RGS20: variants seen among roughly 807,000 people sequenced by gnomAD.
RGS20 encodes the protein regulator of G protein signaling 20.
Under a neutral mutation model 33.6 loss-of-function variants are expected in RGS20, and 30 were observed. That is an observed-to-expected ratio of 0.89 (90% CI 0.67 to 1.21). The LOEUF (loss-of-function observed/expected upper bound fraction) is 1.21, where lower values mean the gene tolerates loss of function less well. Ranked by LOEUF, RGS20 falls within the 50% of genes most tolerant of loss-of-function variation. The probability of loss-of-function intolerance (pLI) is 0.00; values close to 1 mark genes in which losing one functional copy is unlikely to be tolerated. For missense variants in RGS20, 472 were observed against 502.4 expected (o/e 0.94, Z 0.58); for synonymous variants, 208 against 197.9 (o/e 1.05, Z -0.43).
intron 1 of RGS20, among the ~76,000 whole-genome samples, chr8:53,869,533 G>C (rs576229087): frequency 2.6e-5 from 4 of 151,864 alleles, no homozygotes; most frequent in Admixed American, 6.6e-5. Flanking sequence ...AAAATTAGCC[G>C]GGCATGCTGG....
chr8:53,863,533 A>T (rs60515635), intron 1 of RGS20, among the ~76,000 whole-genome samples: 4,295 of 152,240 alleles, frequency 0.028, 162 homozygotes, highest in African/African-American at 0.088. Flanking sequence ...GTTGTAACTA[A>T]CTGAAGTCTG....
Position 53,958,529 on chromosome 8 carries a change from T to A in RGS20, c.*71T>A. 1.2e-6 allele frequency: 1 copy of A among 840,746 alleles called. No homozygotes were observed. The highest frequency in any genetic ancestry group is 1.6e-6 in the Non-Finnish European group (1 of 610,158). The allele number at this position is 840,746 out of a possible 1,614,324, so 52.1% of individuals were successfully genotyped here. A position where few individuals can be genotyped will look rare whatever the true frequency, so the allele number is the denominator to read the frequency against. ...ATGGGCTACAACTAGCACAGGGAAT[T>A]TAGAGGTTGTAGCATCTTCTGCTGG... On this transcript the variant is annotated 3_prime_UTR_variant, in exon 6 of 6. Transcript: ENST00000297313.
chr8:53,893,629 A>G (rs529170500), intron 2 of RGS20, among the ~76,000 whole-genome samples: 1 of 152,338 alleles, frequency 6.6e-6, no homozygotes, highest in Admixed American at 6.5e-5. Flanking sequence ...AAAGCATAAG[A>G]GTGAGGGGAT....
chr8:53,939,543 C>T, intron 2 of RGS20, 33 bp from the exon 2 acceptor site: 2 of 1,462,180 alleles, frequency 1.4e-6, no homozygotes, highest in Admixed American at 2.7e-5. Context: ...CTGGAACCCC[C>T]TCCCGCCCGC....
At chr8:53,932,342 A>C (rs1242873819) in intron 2 of RGS20, among the ~76,000 whole-genome samples, 1 of 152,118 alleles carries the variant, frequency 6.6e-6, no homozygotes. Context: ...AGTGGATCCC[A>C]CCCCCACGGA....
At chr8:53,956,621 G>A (rs1814871134) in intron 5 of RGS20, among the ~76,000 whole-genome samples, 1 of 152,116 alleles carries the variant, frequency 6.6e-6, no homozygotes, top group Non-Finnish European at 1.5e-5. Context: ...AGGTGGTGGG[G>A]TCGTTGGCTT....
chr8:53,911,583 T>G (rs1813347446), intron 2 of RGS20, among the ~76,000 whole-genome samples: 1 of 152,142 alleles, frequency 6.6e-6, no homozygotes, highest in Admixed American at 6.6e-5. Flanking sequence ...TAGTAGAAGA[T>G]CCTAAACTAC....
At chr8:53,856,776 C>T (rs938815692) in intron 1 of RGS20, among the ~76,000 whole-genome samples, 8 of 152,200 alleles carry the variant, frequency 5.3e-5, no homozygotes, top group African/African-American at 1.9e-4. Flanking sequence ...TTTTTCAGCC[C>T]ATTCCAAAGT....
intron 1 of RGS20, among the ~76,000 whole-genome samples, chr8:53,861,710 C>T (rs1275607793): frequency 6.6e-6 from 1 of 152,186 alleles, no homozygotes; most frequent in Non-Finnish European, 1.5e-5. Flanking sequence ...GGAGGACATG[C>T]AATTAATTTT....
At chr8:53,896,899 T>C (rs1428067009) in intron 2 of RGS20, among the ~76,000 whole-genome samples, 2 of 152,188 alleles carry the variant, frequency 1.3e-5, no homozygotes, top group African/African-American at 4.8e-5. Flanking sequence ...AAGCTTTAAA[T>C]AGAATAGGAG....
At chr8:53,939,261 A>G (rs1471267732) in intron 2 of RGS20, among the ~76,000 whole-genome samples, 4 of 150,586 alleles carry the variant, frequency 2.7e-5, no homozygotes, top group African/African-American at 9.7e-5. Flanking sequence ...GGCCCTGCGT[A>G]GCACTGACTG....
chr8:53,931,490 G>A (rs1813957512), intron 2 of RGS20, among the ~76,000 whole-genome samples: 1 of 152,152 alleles, frequency 6.6e-6, no homozygotes, highest in Middle Eastern at 3.2e-3. Flanking sequence ...GAGAGGCAGA[G>A]GTTGCAGTGA....
chr8:53,897,316 G>A lies in RGS20; in HGVS notation c.510+17714G>A, dbSNP rs538136483. ...CCCTGGCAGACTGGACCAGACTAGA[G>A]GTGGATTCCTGCAGCACTGGGTAAG... On this transcript the variant is annotated intron_variant, in intron 2 of 5. Coordinates refer to ENST00000297313, the MANE Select transcript of RGS20 (RefSeq NM_170587.4). Among the ~76,000 whole-genome samples, 4 of 152,340 alleles carry A rather than the reference G, an allele frequency of 2.6e-5. 1 individual carries two copies. The East Asian group carries it at 7.7e-4, about 29-fold the overall frequency.
At chr8:53,858,033 AAAAAT>A (rs1419860854) in intron 1 of RGS20, among the ~76,000 whole-genome samples, 6 of 152,226 alleles carry the variant, frequency 3.9e-5, no homozygotes, top group Non-Finnish European at 7.3e-5. Flanking sequence ...ATAAAAATAA[AAAAAT>A]AAAATAAAAT....
At chr8:53,918,225 T>A (rs1026187152) in intron 2 of RGS20, among the ~76,000 whole-genome samples, 1 of 152,106 alleles carries the variant, frequency 6.6e-6, no homozygotes, top group African/African-American at 2.4e-5. Flanking sequence ...CCACACCCAC[T>A]AGCAGTCACT....
In RGS20 at chr8:53,851,804, C is replaced by A; in HGVS notation, c.-96C>A. ...GTCTCCCCACAGATTCAGAGCCAGC[C>A]CAGCATTAACCAAACAAAGAGAAGC... On this transcript the variant is annotated 5_prime_UTR_variant, in exon 1 of 6. Coordinates refer to ENST00000297313, the MANE Select transcript of RGS20 (RefSeq NM_170587.4). 1 of 1,330,876 alleles carries A rather than the reference C, an allele frequency of 7.5e-7. No homozygotes were observed. The highest frequency in any genetic ancestry group is 1.0e-6 in the Non-Finnish European group (1 of 966,152). 82.4% of individuals were successfully genotyped at this position (1,330,876 alleles called of 1,614,324 possible). A position where few individuals can be genotyped will look rare whatever the true frequency, so the allele number is the denominator to read the frequency against.
At chr8:53,925,436 A>G (rs57122000) in intron 2 of RGS20, among the ~76,000 whole-genome samples, 7,404 of 152,260 alleles carry the variant, frequency 0.049, 479 homozygotes, top group African/African-American at 0.15. Context: ...GGCCTGTGGC[A>G]GGGTTCCCAG....
intron 2 of RGS20, among the ~76,000 whole-genome samples, chr8:53,903,323 G>A (rs1479907393): frequency 6.6e-6 from 1 of 152,148 alleles, no homozygotes; most frequent in African/African-American, 2.4e-5. Context: ...TCTGAAAATA[G>A]TGAACAATGA....
chr8:53,904,863 T>G (rs59612810), intron 2 of RGS20, among the ~76,000 whole-genome samples: 10,273 of 152,302 alleles, frequency 0.067, 1,048 homozygotes, highest in African/African-American at 0.22. Flanking sequence ...ATTTCCTTCA[T>G]ATCATACTCT....
Sources: allele counts gnomAD v4.1 joint callset (sites outside exome capture counted in the v4.1 genomes callset), GRCh38; gene constraint gnomAD v4.1.1; transcripts MANE v1.5; gene names NCBI Gene and HGNC (gene_info 2026-07-23, HGNC 2026-07-21).